The following TRHDE variants were observed in gnomAD, a reference collection of about 807,000 sequenced individuals.
TRHDE encodes the protein thyrotropin-releasing hormone-degrading ectoenzyme.
Under a neutral mutation model 125.7 loss-of-function variants are expected in TRHDE, and 72 were observed. The observed-to-expected ratio is 0.57, with a 90% CI of 0.47 to 0.70. The LOEUF (loss-of-function observed/expected upper bound fraction) is 0.70, where lower values mean the gene tolerates loss of function less well. Ranked by LOEUF, TRHDE falls within the 30% of genes least tolerant of loss-of-function variation. TRHDE has a pLI of 0.00. For missense variants in TRHDE, 1,110 were observed against 1,327.1 expected (o/e 0.84, Z 2.54); for synonymous variants, 509 against 509.1 (o/e 1.00, Z 0.00).
chr12:72,418,090 C>T (rs1262442716), intron 3 of TRHDE, among the ~76,000 whole-genome samples: 1 of 151,954 alleles, frequency 6.6e-6, no homozygotes, highest in African/African-American at 2.4e-5. Flanking sequence ...TTCTTGCTAT[C>T]AAAAATAACC....
intron 6 of TRHDE, among the ~76,000 whole-genome samples, chr12:72,541,331 T>A (rs1224230256): frequency 6.6e-6 from 1 of 151,560 alleles, no homozygotes; most frequent in Non-Finnish European, 1.5e-5. Context: ...ACATGAAGAT[T>A]TGTTATCATC....
In TRHDE at chr12:72,151,297, C is replaced by T. The variant is rs568998413; in HGVS notation, n.279+45545C>T. Among the ~76,000 whole-genome samples, 62 of 152,004 alleles carry T rather than the reference C, an allele frequency of 4.1e-4. 1 individual carries two copies. In the East Asian group the frequency reaches 0.01, roughly 25 times the overall value. On this transcript the variant is annotated intron_variant and non_coding_transcript_variant, in intron 2 of 4. Transcript: ENST00000548156. Reference sequence around the variant, plus strand: ...TGCATTGTAGATTCTGGATATTAGCCCTTTGTCAGATGAGTAGATTGCAAA... The same window carrying T: ...TGCATTGTAGATTCTGGATATTAGCTCTTTGTCAGATGAGTAGATTGCAAA...
At chr12:72,340,373 A>T (rs1202915650) in intron 2 of TRHDE, among the ~76,000 whole-genome samples, 1 of 152,120 alleles carries the variant, frequency 6.6e-6, no homozygotes, top group African/African-American at 2.4e-5. Context: ...CTATTGCTTT[A>T]TTTCTGTCTA....
At chr12:72,642,963 A>T (rs1193772488) in intron 15 of TRHDE, among the ~76,000 whole-genome samples, 1 of 152,216 alleles carries the variant, frequency 6.6e-6, no homozygotes, top group African/African-American at 2.4e-5. Context: ...TTATTAGAAC[A>T]TCTTTACAAA....
intron 6 of TRHDE, 129 bp from the exon 7 acceptor site, chr12:72,542,162 A>G (rs2135987442): frequency 1.7e-6 from 1 of 574,400 alleles, no homozygotes; most frequent in East Asian, 3.2e-5. Flanking sequence ...TGTTTTCATG[A>G]TACTGCTGTT....
At chr12:72,522,006 A>G (rs562989090) in intron 6 of TRHDE, among the ~76,000 whole-genome samples, 1 of 152,220 alleles carries the variant, frequency 6.6e-6, no homozygotes, top group Non-Finnish European at 1.5e-5. Flanking sequence ...ATATAATACT[A>G]TGTACCAGAT....
intron 2 of TRHDE, among the ~76,000 whole-genome samples, chr12:72,109,585 A>G (rs1875269758): frequency 6.6e-6 from 1 of 152,002 alleles, no homozygotes; most frequent in Non-Finnish European, 1.5e-5. Context: ...TGGTGACAAA[A>G]TGGCTGTCAA....
Position 72,393,613 on chromosome 12 carries a change from A to AT in TRHDE, c.1315+15493dup, listed in dbSNP as rs574415881. On this transcript the variant is annotated intron_variant, in intron 3 of 18. Coordinates refer to ENST00000261180, the MANE Select transcript of TRHDE (RefSeq NM_013381.3). ...AGATTTTGTATATCTGTTGTCAAAC[A>AT]TATCAGTCACTGAAGATATGAGATG... 2.0e-5 allele frequency among the ~76,000 whole-genome samples: 3 copies of AT among 152,336 alleles called. No homozygotes were observed. In the South Asian group the frequency reaches 6.2e-4, roughly 32 times the overall value.
intron 2 of TRHDE, among the ~76,000 whole-genome samples, chr12:72,314,042 A>T (rs1266653249): frequency 6.6e-6 from 1 of 152,126 alleles, no homozygotes; most frequent in African/African-American, 2.4e-5. Context: ...TCTTCTATGG[A>T]TAATAAAGTT....
At chr12:72,502,224 C>T (rs954955343) in intron 6 of TRHDE, among the ~76,000 whole-genome samples, 1 of 152,110 alleles carries the variant, frequency 6.6e-6, no homozygotes. Context: ...CTTTTCTCTA[C>T]TTTCCTAAGG....
chr12:72,208,486 T>C (rs929464017), intron 2 of TRHDE, among the ~76,000 whole-genome samples: 2 of 152,146 alleles, frequency 1.3e-5, no homozygotes, highest in Admixed American at 6.5e-5. Flanking sequence ...AGCTCAGTCA[T>C]TGCAGCCTCT....
intron 15 of TRHDE, among the ~76,000 whole-genome samples, chr12:72,638,827 T>C (rs1195525743): frequency 6.6e-6 from 1 of 152,228 alleles, no homozygotes; most frequent in African/African-American, 2.4e-5. Context: ...ATGTTGAATA[T>C]TGGCCCCCTC....
chr12:72,445,679 A>G (rs1050619255), intron 3 of TRHDE, among the ~76,000 whole-genome samples: 2 of 151,972 alleles, frequency 1.3e-5, no homozygotes, highest in Non-Finnish European at 2.9e-5. Context: ...AACTCAATTT[A>G]TGATTGACTC....
In TRHDE at chr12:72,451,850, A is replaced by G. The variant is rs894815887; in HGVS notation, c.1316-17908A>G. Among the ~76,000 whole-genome samples the G allele has an allele frequency of 3.3e-5, 5 of 150,720 alleles. No individual in the cohort carries two copies. The South Asian group carries it at 8.4e-4, about 25-fold the overall frequency. ...TGTTTGTTTTGTTTTGTTTTTCGAG[A>G]TGGCATCTTGCTCTGTTGGCCAAGC... On this transcript the variant is annotated intron_variant, in intron 3 of 18. Coordinates refer to ENST00000261180, the MANE Select transcript of TRHDE (RefSeq NM_013381.3).
chr12:72,298,710 T>C (rs1239285381), intron 2 of TRHDE, among the ~76,000 whole-genome samples: 2 of 152,120 alleles, frequency 1.3e-5, no homozygotes, highest in African/African-American at 4.8e-5. Context: ...CATTGAAGGA[T>C]TTGAGCTTGG....
chr12:72,416,572 G>A (rs557039006), intron 3 of TRHDE, among the ~76,000 whole-genome samples: 4 of 152,140 alleles, frequency 2.6e-5, no homozygotes, highest in African/African-American at 7.2e-5. Context: ...GAGAGATAGA[G>A]GTCTAGTTTC....
At chr12:72,586,675 C>G (rs1185190888) in intron 12 of TRHDE, among the ~76,000 whole-genome samples, 2 of 151,902 alleles carry the variant, frequency 1.3e-5, no homozygotes, top group African/African-American at 4.8e-5. Context: ...ATTCACGCCT[C>G]TAACGGGAGG....
chr12:72,618,458 A>T (rs1872910196), intron 12 of TRHDE, among the ~76,000 whole-genome samples: 1 of 152,120 alleles, frequency 6.6e-6, no homozygotes, highest in Non-Finnish European at 1.5e-5. Flanking sequence ...TAATTTGTTG[A>T]TCTTTTAAAG....
At chr12:72,241,902 C>T (rs1878489451) in intron 2 of TRHDE, among the ~76,000 whole-genome samples, 1 of 152,072 alleles carries the variant, frequency 6.6e-6, no homozygotes, top group African/African-American at 2.4e-5. Context: ...TTGCATTACC[C>T]CAGTGGCTAA....
Sources: gnomAD v4.1 joint callset for allele counts (sites outside exome capture counted in the v4.1 genomes callset) on GRCh38, gnomAD v4.1.1 for gene constraint, MANE v1.5 for transcripts, NCBI Gene and HGNC (gene_info 2026-07-23, HGNC 2026-07-21) for gene names.